Variants in WDR62 observed in about 807,000 individuals in gnomAD.
WDR62 encodes WD repeat domain 62, also known as WD repeat-containing protein 62.
A neutral mutation model predicts 160.6 loss-of-function variants in WDR62; 112 were observed. That is an observed-to-expected ratio of 0.70 (90% CI 0.60 to 0.82). The LOEUF is 0.82. WDR62 is among the 40% of genes least tolerant of loss of function. The probability of loss-of-function intolerance (pLI) is 0.00; values close to 1 mark genes in which losing one functional copy is unlikely to be tolerated. For missense variants in WDR62, 1,819 were observed against 1,983.8 expected, an observed-to-expected ratio of 0.92 and a Z score of 1.58; for synonymous variants, 792 against 815.1, an observed-to-expected ratio of 0.97 and a Z score of 0.48.
downstream of WDR62, among the ~76,000 whole-genome samples, chr19:36,107,770 C>G (rs553004276): frequency 1.3e-5 from 2 of 152,280 alleles, no homozygotes; most frequent in South Asian, 2.1e-4. Flanking sequence ...TGCCACTTCC[C>G]TCTTCCAAAT....
Position 36,071,462 on chromosome 19 carries a change from C to T in WDR62, c.883-94C>T. 4.1e-6 allele frequency: 6 copies of T among 1,460,860 alleles called. No homozygotes were observed. In the South Asian group the frequency reaches 5.7e-5, roughly 14 times the overall value. 90.5% of individuals were successfully genotyped at this position (1,460,860 alleles called of 1,614,324 possible). A position where few individuals can be genotyped will look rare whatever the true frequency, so the allele number is the denominator to read the frequency against. Reference sequence around the variant, plus strand: ...TTAGACCCAAGGAACTGTAAGTCTTCTCTGGAGGCCTAAGGCTGCTCTGTC... The same window carrying T: ...TTAGACCCAAGGAACTGTAAGTCTTTTCTGGAGGCCTAAGGCTGCTCTGTC... On this transcript the variant is annotated intron_variant, in intron 7 of 31. Transcript: ENST00000401500.
intron 20 of WDR62, among the ~76,000 whole-genome samples, chr19:36,095,851 T>C (rs1264402866): frequency 1.3e-5 from 2 of 152,236 alleles, no homozygotes; most frequent in African/African-American, 2.4e-5. Flanking sequence ...TTGTCCGGAA[T>C]CTTTTTCCTC....
chr19:36,093,665 A>C (rs1275991066), intron 19 of WDR62, among the ~76,000 whole-genome samples: 1 of 152,166 alleles, frequency 6.6e-6, no homozygotes, highest in Non-Finnish European at 1.5e-5. Context: ...CCCTGGCTTC[A>C]GTGCCTGCCT....
In WDR62 at chr19:36,077,276, C is replaced by CTT. The variant is rs71167590; in HGVS notation, c.1233+3763_1233+3764dup. On this transcript the variant is annotated intron_variant, in intron 9 of 31. Transcript: ENST00000401500. Reference sequence around the variant, plus strand: ...CCTTCTTTCCTTCCTTCCTTCCTTCCTTTTTTTTTTTTTTTTTTTGAGATG... The same window carrying CTT: ...CCTTCTTTCCTTCCTTCCTTCCTTCCTTTTTTTTTTTTTTTTTTTTTGAGATG... Among the ~76,000 whole-genome samples, 200 of 87,128 alleles carry CTT rather than the reference C, an allele frequency of 2.3e-3. 6 individuals carry two copies. Among genetic ancestry groups the CTT allele is most frequent in the African/African-American group, 9.1e-3 (191 of 20,958 alleles). The allele number at this position is 87,128 out of a possible 152,430, so 57.2% of individuals were successfully genotyped here.
intron 7 of WDR62, chr19:36,070,493 C>T (rs1971239809): frequency 6.6e-6 from 1 of 152,192 alleles, no homozygotes; most frequent in African/African-American, 2.4e-5. Context: ...CCTTTAGTAT[C>T]TGAAGGTTTG....
intron 1 of WDR62, 144 bp from the exon 2 acceptor site, chr19:36,058,636 A>G (rs1970484981): frequency 1.4e-6 from 1 of 707,556 alleles, no homozygotes; most frequent in Non-Finnish European, 2.6e-6. Flanking sequence ...TGAGAGAACA[A>G]GTGTTAGCTG....
intron 1 of WDR62, among the ~76,000 whole-genome samples, chr19:36,055,502 GC>G (rs1970314694): frequency 6.6e-6 from 1 of 152,156 alleles, no homozygotes; most frequent in African/African-American, 2.4e-5. Flanking sequence ...CACTGCCCTG[GC>G]CCCCGCTGAG....
rs747423377 is a variant in WDR62, at chr19:36,067,868, T to TG, written c.743dup (p.Glu249ArgfsTer35). The TG allele has an allele frequency of 6.2e-7, 1 of 1,614,220 alleles. No homozygotes were observed. The highest frequency in any genetic ancestry group is 8.5e-7 in the Non-Finnish European group (1 of 1,180,036). On this transcript the variant is annotated frameshift_variant, in exon 7 of 32. Transcript: ENST00000401500. LOFTEE classifies it high-confidence loss of function. ...CCCCTTGTAGGGCGCTCGGGCATCCTGGGCGAGCTGCACAACAACATCTTC... is the reference window on the plus strand; with the variant it reads ...CCCCTTGTAGGGCGCTCGGGCATCCTGGGGCGAGCTGCACAACAACATCTTC...
intron 31 of WDR62, 43 bp from the exon 32 acceptor site, chr19:36,104,725 G>T: frequency 6.2e-7 from 1 of 1,613,862 alleles, no homozygotes; most frequent in Non-Finnish European, 8.5e-7. Flanking sequence ...TCTTGAGACC[G>T]CCCGGCCTTG....
Position 36,058,884 on chromosome 19 carries a change from G to A in WDR62, c.269+13G>A. On this transcript the variant is annotated intron_variant, in intron 2 of 31. Transcript: ENST00000401500. ...CCTACCTGGCAGGGTAAGCAGATAA[G>A]GGCCTCGACGTCTAATCATTGCTAG... 6.2e-7 allele frequency: 1 copy of A among 1,606,686 alleles called. No homozygotes were observed. The highest frequency in any genetic ancestry group is 2.2e-5 in the East Asian group (1 of 44,796).
Position 36,103,195 on chromosome 19 carries a change from T to G in WDR62, c.3502T>G (p.Trp1168Gly), listed in dbSNP as rs778923974. 6.2e-7 allele frequency: 1 copy of G among 1,613,788 alleles called. No homozygotes were observed. Among genetic ancestry groups the G allele is most frequent in the South Asian group, 1.1e-5 (1 of 91,066 alleles). ...AGKAEETLEA[W>G]RPPPPCLTSL... ...GAAGGCTGAAGAGACCCTGGAGGCC[T>G]GGCGCCCACCACGTGAGTGCCCCAG... The change falls in exon 29 of 32, where the codon TGG becomes GGG. Residue 1168 changes from tryptophan to glycine, a missense_variant. By Grantham distance (184) the Trp-to-Gly change is radical. Coordinates refer to ENST00000401500, the MANE Select transcript of WDR62 (RefSeq NM_001083961.2).
intron 15 of WDR62, 53 bp downstream of exon 15, chr19:36,089,359 G>A (rs1300715433): frequency 1.2e-6 from 2 of 1,613,864 alleles, no homozygotes; most frequent in African/African-American, 1.3e-5. Context: ...GTCCTAGGCT[G>A]TCTGCTTTCC....
intron 3 of WDR62, 34 bp from the exon 4 acceptor site, chr19:36,065,924 G>A (rs375673619): frequency 2.7e-4 from 435 of 1,610,842 alleles, no homozygotes; most frequent in Non-Finnish European, 3.4e-4. Context: ...CACCCTCAGC[G>A]GAACCAGTGA....
intron 3 of WDR62, among the ~76,000 whole-genome samples, chr19:36,063,929 A>G (rs1374506822): frequency 1.3e-5 from 2 of 152,242 alleles, no homozygotes; most frequent in Non-Finnish European, 2.9e-5. Flanking sequence ...AATCTAATGT[A>G]CAGCCAGGAC....
At chr19:36,087,010 G>C (rs1432981090) in intron 13 of WDR62, among the ~76,000 whole-genome samples, 198 bp downstream of exon 13, 4 of 152,162 alleles carry the variant, frequency 2.6e-5, no homozygotes. Flanking sequence ...AAGGAGGGTG[G>C]ATCACCTGAG....
intron 7 of WDR62, 35 bp downstream of exon 7, chr19:36,068,045 CTCTT>C (rs773740118): frequency 4.4e-6 from 7 of 1,599,452 alleles, no homozygotes; most frequent in African/African-American, 4.0e-5. Context: ...GCTGGACAGA[CTCTT>C]TCTCGTGATA....
Position 36,105,005 on chromosome 19 carries a change from C to T in WDR62, c.4549C>T (p.Arg1517Trp), listed in dbSNP as rs373621531. 112 of 1,600,360 alleles carry T rather than the reference C, an allele frequency of 7.0e-5. No homozygotes were observed. Among genetic ancestry groups the T allele is most frequent in the African/African-American group, 6.6e-4 (49 of 74,802 alleles). Residue 1517 changes from arginine (R) to tryptophan (W), a missense_variant, in exon 32 of 32, where the codon CGG (arginine) becomes TGG (tryptophan). Transcript: ENST00000401500. ...CTCGGAGCTGCTGGTGCAGGCCGTG[C>T]GGAGGAAGGCACGGGGGCACTGAGG... ...HYSELLVQAV[R>W]RKARGH is the part of the protein sequence containing the mutation.
In WDR62 at chr19:36,086,676, T is replaced by C. The variant is rs1223870942; in HGVS notation, c.1643-11T>C. On this transcript the variant is annotated splice_polypyrimidine_tract_variant and intron_variant, in intron 12 of 31. Coordinates refer to ENST00000401500, the MANE Select transcript of WDR62 (RefSeq NM_001083961.2). ...GCCTTCAGGAACCAGTCTCATTCTCTCCTCTCACAGGGCTGACCTTGCTGG... is the reference window on the plus strand; with the variant it reads ...GCCTTCAGGAACCAGTCTCATTCTCCCCTCTCACAGGGCTGACCTTGCTGG... The C allele has an allele frequency of 1.3e-6, 2 of 1,595,194 alleles. No homozygotes were observed. Among genetic ancestry groups the C allele is most frequent in the African/African-American group, 1.3e-5 (1 of 74,452 alleles).
chr19:36,066,510 A>G, intron 5 of WDR62, 83 bp downstream of exon 5: 2 of 1,487,248 alleles, frequency 1.3e-6, no homozygotes, highest in Non-Finnish European at 9.1e-7. Context: ...GCTACATGAG[A>G]GGACGCAGTA....
Sources: allele counts gnomAD v4.1 joint callset (sites outside exome capture counted in the v4.1 genomes callset), GRCh38; gene constraint gnomAD v4.1.1; transcripts MANE v1.5; gene names NCBI Gene and HGNC (gene_info 2026-07-23, HGNC 2026-07-21).